The following NIM1K variants were observed in gnomAD, a reference collection of about 807,000 sequenced individuals.
NIM1K encodes the protein NIM1 serine/threonine protein kinase.
In NIM1K, 35 loss-of-function variants were observed where a neutral mutation model predicts 37.1. That is an observed-to-expected ratio of 0.94 (90% CI 0.72 to 1.25). The LOEUF (loss-of-function observed/expected upper bound fraction) is 1.25, where lower values mean the gene tolerates loss of function less well. NIM1K is among the 50% of genes most tolerant of loss of function. The pLI is 0.00. For missense variants in NIM1K, 564 were observed against 548.0 expected, an observed-to-expected ratio of 1.03 and a Z score of -0.29; for synonymous variants, 234 against 206.6, an observed-to-expected ratio of 1.13 and a Z score of -1.14.
At chr5:43,262,555 A>G (rs908836709) in intron 2 of NIM1K, among the ~76,000 whole-genome samples, 1 of 152,208 alleles carries the variant, frequency 6.6e-6, no homozygotes, top group African/African-American at 2.4e-5. Context: ...ATTTGCAAAC[A>G]GGGACAATTT....
intron 1 of NIM1K, among the ~76,000 whole-genome samples, chr5:43,235,780 G>A (rs1371849515): frequency 6.6e-6 from 1 of 152,056 alleles, no homozygotes; most frequent in Non-Finnish European, 1.5e-5. Context: ...ATATCTAAGA[G>A]GGGTATAATG....
chr5:43,245,968 A>C lies in NIM1K; in HGVS notation c.193A>C (p.Ile65Leu). Reference protein sequence around the residue: ...MSQDEKVVREITLGKRIGFYR... With the variant: ...MSQDEKVVRELTLGKRIGFYR... ...CCAGGATGAGAAGGTGGTGAGGGAGATCACGCTGGGGAAACGGATAGGCTT... is the reference window on the plus strand; with the variant it reads ...CCAGGATGAGAAGGTGGTGAGGGAGCTCACGCTGGGGAAACGGATAGGCTT... Residue 65 changes from isoleucine to leucine, a missense_variant, in exon 2 of 4, where the codon ATC (isoleucine) becomes CTC (leucine). Transcript: ENST00000326035. The C allele has an allele frequency of 6.2e-7, 1 of 1,614,086 alleles. No homozygotes were observed. The highest frequency in any genetic ancestry group is 1.1e-5 in the South Asian group (1 of 91,068).
chr5:43,244,769 T>C (rs1721768954), intron 1 of NIM1K, among the ~76,000 whole-genome samples: 1 of 152,240 alleles, frequency 6.6e-6, no homozygotes, highest in Admixed American at 6.5e-5. Context: ...TGCTATCATA[T>C]TATTTTTAAA....
intron 1 of NIM1K, among the ~76,000 whole-genome samples, chr5:43,238,608 T>G (rs562065010): frequency 1.3e-5 from 2 of 152,000 alleles, no homozygotes; most frequent in African/African-American, 4.8e-5. Flanking sequence ...CAGTCATTCA[T>G]TCTAAGCAGA....
intron 2 of NIM1K, among the ~76,000 whole-genome samples, chr5:43,259,993 A>G (rs1338477782): frequency 6.6e-6 from 1 of 152,082 alleles, no homozygotes; most frequent in African/African-American, 2.4e-5. Context: ...ATTCTCCTAC[A>G]TGGGGCTATC....
chr5:43,194,142 G>C (rs753152352), intron 1 of NIM1K, among the ~76,000 whole-genome samples: 15 of 152,330 alleles, frequency 9.8e-5, no homozygotes, highest in African/African-American at 1.7e-4. Context: ...AGAGGACAGA[G>C]GAGGGTGTTA....
chr5:43,237,508 CACTT>C (rs1485599090), intron 1 of NIM1K, among the ~76,000 whole-genome samples: 2 of 152,150 alleles, frequency 1.3e-5, no homozygotes, highest in African/African-American at 2.4e-5. Context: ...ACAAAAAACT[CACTT>C]ACATCTGAAA....
intron 2 of NIM1K, among the ~76,000 whole-genome samples, chr5:43,266,958 C>A (rs1255095190): frequency 6.6e-6 from 1 of 152,162 alleles, no homozygotes; most frequent in Non-Finnish European, 1.5e-5. Context: ...GTGATACTGG[C>A]TTCATAGAAT....
At chr5:43,249,302 C>T (rs1348486222) in intron 2 of NIM1K, among the ~76,000 whole-genome samples, 2 of 151,876 alleles carry the variant, frequency 1.3e-5, no homozygotes, top group South Asian at 2.1e-4. Context: ...ATTTCCTGAC[C>T]TCGTGATCCG....
chr5:43,226,308 G>T (rs1329155392), intron 1 of NIM1K, among the ~76,000 whole-genome samples: 2 of 152,244 alleles, frequency 1.3e-5, no homozygotes, highest in Non-Finnish European at 2.9e-5. Context: ...CCCTGTTAAA[G>T]GTGGGCAGGA....
At chr5:43,229,546 A>T (rs1056930823) in intron 1 of NIM1K, among the ~76,000 whole-genome samples, 1 of 152,088 alleles carries the variant, frequency 6.6e-6, no homozygotes, top group African/African-American at 2.4e-5. Context: ...ATACAGATAG[A>T]TGTAGACAAG....
Position 43,207,917 on chromosome 5 carries a change from G to C in NIM1K, c.-695+15506G>C, listed in dbSNP as rs190800780. On this transcript the variant is annotated intron_variant, in intron 1 of 3. Coordinates refer to ENST00000326035, the MANE Select transcript of NIM1K (RefSeq NM_153361.4). ...GGCAATTGATTGTGAATTCCTCAAA[G>C]TTTTCCTTTTTTTAAACTATTATTT... 2.3e-5 allele frequency: 9 copies of C among 392,164 alleles called. No individual in the cohort carries two copies. In the Admixed American group the frequency reaches 4.5e-4, roughly 20 times the overall value. The allele number at this position is 392,164 out of a possible 1,614,324, so 24.3% of individuals were successfully genotyped here.
intron 1 of NIM1K, chr5:43,206,753 A>G: frequency 1.3e-6 from 1 of 756,022 alleles, no homozygotes; most frequent in Non-Finnish European, 2.5e-6. Context: ...TTGGCACCAA[A>G]GCTGATGGTG....
rs754820249 is a variant in NIM1K, at chr5:43,255,747, C to CAA, written c.292+9689_292+9690dup. Among the ~76,000 whole-genome samples, 219 of 106,958 alleles carry CAA rather than the reference C, an allele frequency of 2.0e-3. 1 individual carries two copies. Among genetic ancestry groups the CAA allele is most frequent in the African/African-American group, 7.3e-3 (195 of 26,814 alleles). 70.2% of individuals were successfully genotyped at this position (106,958 alleles called of 152,430 possible). On this transcript the variant is annotated intron_variant, in intron 2 of 3. Transcript: ENST00000326035. ...CTGGTGACAGAGCCAGACTCTGTCT[C>CAA]AAAAAAAAAAGAAAGAAAGAAAGAA...
intron 2 of NIM1K, among the ~76,000 whole-genome samples, chr5:43,263,026 A>C (rs1753059530): frequency 6.6e-6 from 1 of 152,164 alleles, no homozygotes; most frequent in African/African-American, 2.4e-5. Flanking sequence ...TATTTTATTG[A>C]GGATTTTTGC....
chr5:43,255,621 C>A (rs1447021495), intron 2 of NIM1K, among the ~76,000 whole-genome samples: 3 of 151,728 alleles, frequency 2.0e-5, no homozygotes, highest in Non-Finnish European at 4.4e-5. Flanking sequence ...TGGTGGTGTG[C>A]ACCTTTAGTC....
intron 2 of NIM1K, among the ~76,000 whole-genome samples, chr5:43,249,827 G>T (rs900409941): frequency 6.7e-6 from 1 of 148,702 alleles, no homozygotes; most frequent in Non-Finnish European, 1.5e-5. Context: ...CTACATCCTA[G>T]TTGACATTTT....
Position 43,199,204 on chromosome 5 carries a change from A to AAAAAAAATAT in NIM1K, c.-695+6794_-695+6795insAAAAAATATA, listed in dbSNP as rs1200134957. 5.7e-4 allele frequency among the ~76,000 whole-genome samples: 54 copies of AAAAAAAATAT among 94,026 alleles called. 1 individual carries two copies. Among genetic ancestry groups the AAAAAAAATAT allele is most frequent in the Non-Finnish European group, 1.0e-3 (49 of 49,024 alleles). The allele number at this position is 94,026 out of a possible 152,430, so 61.7% of individuals were successfully genotyped here. A position where few individuals can be genotyped will look rare whatever the true frequency, so the allele number is the denominator to read the frequency against. On this transcript the variant is annotated intron_variant, in intron 1 of 3. Transcript: ENST00000326035. Reference sequence around the variant, plus strand: ...GCTCTGTCTCCAAAAAAAAAAAAAAAATATATATATATATATATATATATA... The same window carrying AAAAAAAATAT: ...GCTCTGTCTCCAAAAAAAAAAAAAAAAAAAAAATATATATATATATATATATATATATATA...
intron 1 of NIM1K, among the ~76,000 whole-genome samples, chr5:43,216,535 G>A (rs146373958): frequency 5.3e-5 from 8 of 152,200 alleles, no homozygotes; most frequent in Non-Finnish European, 8.8e-5. Flanking sequence ...GTGCATGAAG[G>A]CTTTTTGGAA....
Sources: gnomAD v4.1 joint callset for allele counts (sites outside exome capture counted in the v4.1 genomes callset) on GRCh38, gnomAD v4.1.1 for gene constraint, MANE v1.5 for transcripts, NCBI Gene and HGNC (gene_info 2026-07-23, HGNC 2026-07-21) for gene names.